The following LY6S variants were observed in gnomAD, a reference collection of about 807,000 sequenced individuals.
The protein encoded by LY6S is lymphocyte antigen 6S.
chr8:143,073,370 C>T, the LY6S span, among the ~76,000 whole-genome samples: 67 of 82,286 alleles, frequency 8.1e-4, 2 homozygotes, highest in Middle Eastern at 0.011. Flanking sequence ...ATCCCCGGGG[C>T]TCCTGTTTGA....
At chr8:143,057,652 A>G in the LY6S span, 7 of 972,970 alleles carry the variant, frequency 7.2e-6, no homozygotes, top group South Asian at 7.7e-5. Context: ...GGTTGAATTC[A>G]ATGTTGAAGA....
the LY6S span, among the ~76,000 whole-genome samples, chr8:143,070,084 C>T: frequency 6.6e-6 from 1 of 151,942 alleles, no homozygotes. Context: ...GCTGGCTCCC[C>T]CTGGGGCACC....
chr8:143,068,765 T>C, the LY6S span, among the ~76,000 whole-genome samples: 2 of 150,466 alleles, frequency 1.3e-5, no homozygotes, highest in Non-Finnish European at 2.9e-5. Context: ...TTTTTTTTTT[T>C]CTGAGAATAT....
At chr8:143,050,882 G>A in the LY6S span, among the ~76,000 whole-genome samples, 2 of 152,168 alleles carry the variant, frequency 1.3e-5, 1 homozygote, top group South Asian at 4.1e-4. Context: ...ATACCTCGGC[G>A]CAAAAAGCAG....
the LY6S span, among the ~76,000 whole-genome samples, chr8:143,042,794 G>A: frequency 1.3e-4 from 20 of 152,146 alleles, no homozygotes; most frequent in Admixed American, 1.1e-3. Flanking sequence ...GGGGACTCCC[G>A]CCCTGGGCCA....
the LY6S span, chr8:143,044,236 TG>T: frequency 2.2e-6 from 1 of 456,216 alleles, no homozygotes; most frequent in Non-Finnish European, 4.4e-6. Flanking sequence ...ATGGAGCTGG[TG>T]AGACCCGCGG....
chr8:143,044,192 C>T, the LY6S span: 1 of 456,192 alleles, frequency 2.2e-6, no homozygotes, highest in African/African-American at 2.0e-5. Context: ...AGGCAGGTAA[C>T]TCACTGAATG....
At chr8:143,051,084 C>T in the LY6S span, among the ~76,000 whole-genome samples, 2 of 152,230 alleles carry the variant, frequency 1.3e-5, no homozygotes, top group Non-Finnish European at 2.9e-5. Flanking sequence ...GTGCAGGAGC[C>T]TGAGCGAGTG....
chr8:143,075,511 C>A, the LY6S span, among the ~76,000 whole-genome samples: 1 of 152,152 alleles, frequency 6.6e-6, no homozygotes, highest in Non-Finnish European at 1.5e-5. The surrounding 1 kb of genome is among the most constrained non-coding windows in gnomAD (Gnocchi z 4.1). Context: ...CAAGACGAGC[C>A]TGGGCAACAT....
At chr8:143,042,197 C>A in the LY6S span, 102 of 153,584 alleles carry the variant, frequency 6.6e-4, 2 homozygotes, top group African/African-American at 2.3e-3. Context: ...GAGCCCAGCC[C>A]TGACTTTCTG....
chr8:143,072,282 T>C, the LY6S span, among the ~76,000 whole-genome samples: 17 of 125,646 alleles, frequency 1.4e-4, no homozygotes, highest in African/African-American at 3.1e-4. Flanking sequence ...GTCCCCGGGG[T>C]TCCTGTTTGA....
the LY6S span, among the ~76,000 whole-genome samples, chr8:143,073,833 G>A: frequency 4.2e-4 from 38 of 91,212 alleles, no homozygotes; most frequent in East Asian, 4.2e-3. Context: ...GGAGACAGCC[G>A]TCGTCCCCGG....
chr8:143,052,925 A>T, the LY6S span, among the ~76,000 whole-genome samples: 1 of 152,168 alleles, frequency 6.6e-6, no homozygotes, highest in African/African-American at 2.4e-5. Flanking sequence ...TGTTAATCAA[A>T]CCTGAAACTC....
the LY6S span, chr8:143,066,510 A>G: frequency 3.7e-6 from 1 of 272,446 alleles, no homozygotes; most frequent in South Asian, 4.6e-5. Context: ...CACATCAGGC[A>G]CCATTCGTGC....
the LY6S span, among the ~76,000 whole-genome samples, chr8:143,051,639 T>A: frequency 6.6e-6 from 1 of 152,156 alleles, no homozygotes; most frequent in Non-Finnish European, 1.5e-5. Flanking sequence ...CAAAAGCTCT[T>A]GCTTCCTCAG....
At chr8:143,066,115 C>G in the LY6S span, 1 of 401,076 alleles carries the variant, frequency 2.5e-6, no homozygotes, top group East Asian at 7.2e-5. Flanking sequence ...ATGTCCCTGA[C>G]TGCTGCGGCC....
the LY6S span, chr8:143,044,120 T>A: frequency 4.4e-6 from 2 of 456,120 alleles, no homozygotes; most frequent in Non-Finnish European, 8.8e-6. Context: ...ATGGCCTGGC[T>A]GATATCCCAC....
chr8:143,061,436 A>C, the LY6S span, among the ~76,000 whole-genome samples: 1 of 152,258 alleles, frequency 6.6e-6, no homozygotes, highest in Non-Finnish European at 1.5e-5. Flanking sequence ...GCTTCAAAAC[A>C]TTTAACCACA....
chr8:143,075,705 G>A, the LY6S span, among the ~76,000 whole-genome samples: 28,445 of 151,934 alleles, frequency 0.19, 3,424 homozygotes, highest in East Asian at 0.34. This position sits in a 1 kb window ranked among gnomAD's most constrained non-coding sequence, Gnocchi z 4.1. Flanking sequence ...CTCAATCTCA[G>A]AGAAAAAAAG....
Sources: gnomAD v4.1 joint callset for allele counts (sites outside exome capture counted in the v4.1 genomes callset) on GRCh38, gnomAD v4.1.1 for gene constraint, Gnocchi (gnomAD v3.1) non-coding constraint, MANE v1.5 for transcripts, NCBI Gene and HGNC (gene_info 2026-07-23, HGNC 2026-07-21) for gene names.